MACF1: variants seen among roughly 807,000 people sequenced by gnomAD.
MACF1 encodes the protein microtubule actin crosslinking factor 1.
In MACF1, 193 loss-of-function variants were observed where a neutral mutation model predicts 854.8. The ratio of observed to expected loss-of-function variants is 0.23; its 90% CI spans 0.20 to 0.25. The LOEUF is 0.25. Among genes scored for constraint, MACF1 ranks in the 10% least tolerant of loss-of-function variants. MACF1 has a pLI of 1.00. For synonymous variants in MACF1, 3,185 were observed against 3,226.7 expected, an observed-to-expected ratio of 0.99 and a Z score of 0.44; for missense variants, 7,722 against 8,929.1, an observed-to-expected ratio of 0.86 and a Z score of 5.45.
chr1:39,477,453 G>T, intron 97 of MACF1, among the ~76,000 whole-genome samples: 1 of 151,946 alleles, frequency 6.6e-6, no homozygotes, highest in African/African-American at 2.4e-5. Flanking sequence ...TCCAACCTGG[G>T]CTCGAGCAGT....
chr1:39,448,756 G>A lies in MACF1; in HGVS notation c.20251G>A (p.Val6751Met), dbSNP rs2148674837. The A allele has an allele frequency of 6.2e-7, 1 of 1,610,520 alleles. No individual in the cohort carries two copies. The highest frequency in any genetic ancestry group is 2.2e-5 in the East Asian group (1 of 44,868). The stretch of plus-strand genomic sequence containing the variant: ...ATGGGATACTGTTTGTGGCAAGTCT[G>A]TGGAGCGGTGAGCATGAATGTCCCC... ...DKWDTVCGKSVERQHKLEEAL... is the reference protein window; with the variant it reads ...DKWDTVCGKSMERQHKLEEAL... The change falls in exon 84 of 101, where the codon GTG becomes ATG. Residue 6751 changes from valine to methionine, a missense_variant. By Grantham distance (21) the Val-to-Met change is conservative (BLOSUM62 1). This residue lies in a region of MACF1 where 729 missense variants were observed against 900.5 expected (regional missense o/e 0.81). Coordinates refer to ENST00000564288, the MANE Select transcript of MACF1 (RefSeq NM_001394062.1).
At chr1:39,288,496 TAAAA>T (rs150854643) in intron 15 of MACF1, among the ~76,000 whole-genome samples, 2 of 125,558 alleles carry the variant, frequency 1.6e-5, no homozygotes, top group African/African-American at 3.1e-5. Context: ...AGACTCCATC[TAAAA>T]AAAAAAAAAA....
chr1:39,484,466 A>G (rs1030676922), intron 99 of MACF1, 135 bp from the exon 100 acceptor site: 2 of 740,348 alleles, frequency 2.7e-6, no homozygotes, highest in Non-Finnish European at 4.4e-6. Context: ...TTTAAGAGAA[A>G]TCTTTGTTTT....
intron 41 of MACF1, among the ~76,000 whole-genome samples, chr1:39,347,884 T>C (rs1647091889): frequency 6.6e-6 from 1 of 152,168 alleles, no homozygotes; most frequent in African/African-American, 2.4e-5. Flanking sequence ...CATCCTACCA[T>C]CTTCCATCAC....
intron 2 of MACF1, among the ~76,000 whole-genome samples, chr1:39,169,756 C>CCTTT (rs1181204871): frequency 9.4e-5 from 14 of 148,292 alleles, no homozygotes; most frequent in East Asian, 6.1e-4. Flanking sequence ...CTCTCCTTGC[C>CCTTT]CTTTCTTTCT....
chr1:39,477,145 CACACACACAG>C (rs1557675268), intron 97 of MACF1, among the ~76,000 whole-genome samples: 1 of 133,892 alleles, frequency 7.5e-6, no homozygotes, highest in African/African-American at 3.0e-5. Context: ...TACACACACA[CACACACACAG>C]ATGTGCAAAG....
rs75916438 is a variant in MACF1, at chr1:39,432,784, G to A, written c.17457+130G>A. The A allele has an allele frequency of 3.7e-3, 3,986 of 1,090,986 alleles. 126 individuals carry two copies. The African/African-American group carries it at 0.06, about 16-fold the overall frequency. The allele number at this position is 1,090,986 out of a possible 1,614,324, so 67.6% of individuals were successfully genotyped here. A position where few individuals can be genotyped will look rare whatever the true frequency, so the allele number is the denominator to read the frequency against. On this transcript the variant is annotated intron_variant, in intron 67 of 100. Transcript: ENST00000564288. ...TGGTAAATAGAAATTAATTTTCTAT[G>A]TATTTGGTTGAGATGAGGAAGAATT...
chr1:39,273,850 A>G (rs1645379615), intron 6 of MACF1, among the ~76,000 whole-genome samples: 1 of 152,122 alleles, frequency 6.6e-6, no homozygotes, highest in South Asian at 2.1e-4. Context: ...TCGGCTTCCC[A>G]AAGTGCTGGG....
intron 58 of MACF1, among the ~76,000 whole-genome samples, chr1:39,399,371 CTT>C (rs1330401656): frequency 3.1e-5 from 3 of 96,724 alleles, no homozygotes; most frequent in Non-Finnish European, 1.9e-5. Flanking sequence ...CTTTATAAAG[CTT>C]TTTTTTTTTT....
chr1:39,263,771 C>CTTTTTTTTTTTTTTTTTTTTTTTTTTTTT (rs11453750), intron 6 of MACF1, among the ~76,000 whole-genome samples: 3 of 100,166 alleles, frequency 3.0e-5, no homozygotes, highest in Non-Finnish European at 5.4e-5. Flanking sequence ...TTTCTTTTTT[C>CTTTTTTTTTTTTTTTTTTTTTTTTTTTTT]TTTTTTTTTT....
intron 2 of MACF1, among the ~76,000 whole-genome samples, chr1:39,158,629 C>T (rs971113535): frequency 6.6e-6 from 1 of 152,168 alleles, no homozygotes; most frequent in African/African-American, 2.4e-5. Context: ...GAGCAGTAAT[C>T]CCAGTGGAGC....
chr1:39,187,150 G>A (rs1644184656), intron 2 of MACF1, among the ~76,000 whole-genome samples: 1 of 151,884 alleles, frequency 6.6e-6, no homozygotes, highest in South Asian at 2.1e-4. Context: ...AGATTATTGT[G>A]ATTATATAAA....
chr1:39,219,926 T>C, intron 1 of MACF1, among the ~76,000 whole-genome samples: 1 of 152,022 alleles, frequency 6.6e-6, no homozygotes, highest in Non-Finnish European at 1.5e-5. Context: ...CATTTTTGTA[T>C]TTTTAGTAGA....
At position 39,485,935 on chromosome 1, in the gene MACF1, CTTTTTG is replaced by C. The variant is rs1385996493; in HGVS notation, c.*143_*148del. The C allele has an allele frequency of 2.0e-6, 2 of 1,016,672 alleles. No homozygotes were observed. Among genetic ancestry groups the C allele is most frequent in the Non-Finnish European group, 2.6e-6 (2 of 777,698 alleles). 63.0% of individuals were successfully genotyped at this position (1,016,672 alleles called of 1,614,324 possible). A position where few individuals can be genotyped will look rare whatever the true frequency, so the allele number is the denominator to read the frequency against. On this transcript the variant is annotated 3_prime_UTR_variant, in exon 101 of 101. Transcript: ENST00000564288. The stretch of plus-strand genomic sequence containing the variant: ...GTTATGAAGCTGCCTTATTTTTTTT[CTTTTTG>C]TAAGTTACTATTTTCATGTGAATAT...
intron 21 of MACF1, among the ~76,000 whole-genome samples, chr1:39,299,408 CT>C (rs1444692913): frequency 2.0e-5 from 3 of 152,132 alleles, no homozygotes; most frequent in African/African-American, 7.2e-5. Flanking sequence ...TCAAAATGGG[CT>C]TGAAACATCC....
rs683135 is a variant in MACF1 at position 39,429,788 on chromosome 1, G to A, written c.16889-39G>A. On this transcript the variant is annotated intron_variant, in intron 64 of 100. Coordinates refer to ENST00000564288, the MANE Select transcript of MACF1 (RefSeq NM_001394062.1). ...GGGATCAGAGACTCCTCATTCCTAG[G>A]TCTCTTAAATATGAGTAATTGTGTG... 499,082 of 1,598,130 alleles carry A rather than the reference G, an allele frequency of 0.31. 84,248 individuals carry two copies. The highest frequency in any genetic ancestry group is 0.67 in the African/African-American group (49,867 of 74,370).
chr1:39,452,438 C>G, intron 86 of MACF1, 88 bp downstream of exon 86: 1 of 1,353,760 alleles, frequency 7.4e-7, no homozygotes, highest in Non-Finnish European at 1.0e-6. Context: ...TCCAGTCAGT[C>G]TTGAAATAAG....
chr1:39,472,508 G>C (rs140123817), intron 97 of MACF1, among the ~76,000 whole-genome samples: 1 of 152,030 alleles, frequency 6.6e-6, no homozygotes, highest in Non-Finnish European at 1.5e-5. Flanking sequence ...AAAATTGGCC[G>C]CTTTAAGTTT....
intron 69 of MACF1, 100 bp from the exon 70 acceptor site, chr1:39,435,458 G>T (rs1242509319): frequency 1.0e-6 from 1 of 986,206 alleles, no homozygotes; most frequent in East Asian, 2.4e-5. Context: ...TAACAATTTT[G>T]TTTGTTCCTC....
Sources: gnomAD v4.1 joint callset for allele counts (sites outside exome capture counted in the v4.1 genomes callset) on GRCh38, gnomAD v4.1.1 for gene constraint, gnomAD v4.1.1 regional missense constraint, MANE v1.5 for transcripts, NCBI Gene and HGNC (gene_info 2026-07-23, HGNC 2026-07-21) for gene names.